The following VPS13B variants were observed in gnomAD, a reference collection of about 807,000 sequenced individuals.
The protein encoded by VPS13B is vacuolar protein sorting 13 homolog B.
VPS13B carries 285 observed loss-of-function variants against 426.4 expected under a neutral mutation model. That is an observed-to-expected ratio of 0.67 (90% CI 0.61 to 0.74). The LOEUF (loss-of-function observed/expected upper bound fraction) is 0.74. Ranked by LOEUF, VPS13B falls within the 30% of genes least tolerant of loss-of-function variation. The probability of loss-of-function intolerance (pLI) is 0.00; values close to 1 mark genes in which losing one functional copy is unlikely to be tolerated. For synonymous variants in VPS13B, 1,676 were observed against 1,676.4 expected, an observed-to-expected ratio of 1.00 and a Z score of 0.01; for missense variants, 4,537 against 4,782.6, an observed-to-expected ratio of 0.95 and a Z score of 1.51.
At chr8:99,240,268 A>G (rs1816852095) in intron 17 of VPS13B, among the ~76,000 whole-genome samples, 1 of 152,200 alleles carries the variant, frequency 6.6e-6, no homozygotes, top group Non-Finnish European at 1.5e-5. Flanking sequence ...ATAAGGCCTC[A>G]TTTAATTTGG....
chr8:99,265,243 T>C (rs547179716), intron 17 of VPS13B, among the ~76,000 whole-genome samples: 4 of 152,338 alleles, frequency 2.6e-5, no homozygotes, highest in African/African-American at 9.6e-5. Context: ...ATCCTTCATA[T>C]TGCAGAATGA....
At chr8:99,789,004 C>T (rs1178208212) in intron 43 of VPS13B, among the ~76,000 whole-genome samples, 1 of 152,148 alleles carries the variant, frequency 6.6e-6, no homozygotes, top group Non-Finnish European at 1.5e-5. Flanking sequence ...TGTAATTAAC[C>T]TGTACTCACC....
chr8:99,444,090 C>T (rs925260885), intron 23 of VPS13B, among the ~76,000 whole-genome samples: 9 of 150,378 alleles, frequency 6.0e-5, no homozygotes, highest in Admixed American at 1.3e-4. Context: ...TGGTTTGTTT[C>T]TTTTTTTTCT....
chr8:99,259,719 G>A (rs1413836732), intron 17 of VPS13B, among the ~76,000 whole-genome samples: 1 of 152,056 alleles, frequency 6.6e-6, no homozygotes, highest in Non-Finnish European at 1.5e-5. Context: ...AAGTTAAAAT[G>A]TGATCCTTAG....
intron 48 of VPS13B, 79 bp downstream of exon 48, chr8:99,819,661 A>T: frequency 6.7e-7 from 1 of 1,484,124 alleles, no homozygotes; most frequent in Admixed American, 1.9e-5. Flanking sequence ...ATTAAATACC[A>T]TAAGTGGTGT....
At chr8:99,228,532 T>G (rs1056222673) in intron 17 of VPS13B, among the ~76,000 whole-genome samples, 1 of 152,196 alleles carries the variant, frequency 6.6e-6, no homozygotes, top group Non-Finnish European at 1.5e-5. Context: ...AATACAGTTA[T>G]TTTATTTTTA....
At chr8:99,668,528 C>T (rs940778858) in intron 35 of VPS13B, among the ~76,000 whole-genome samples, 2 of 152,068 alleles carry the variant, frequency 1.3e-5, no homozygotes, top group African/African-American at 4.8e-5. Context: ...AAATGCTGCT[C>T]TTTAGCATTT....
intron 17 of VPS13B, among the ~76,000 whole-genome samples, chr8:99,236,292 C>T (rs1816645501): frequency 6.6e-6 from 1 of 151,894 alleles, no homozygotes; most frequent in Admixed American, 6.6e-5. Flanking sequence ...CTCTGCTGCC[C>T]GGGCTGGAGT....
At chr8:99,695,149 A>C (rs1291402705) in intron 35 of VPS13B, among the ~76,000 whole-genome samples, 1 of 151,476 alleles carries the variant, frequency 6.6e-6, no homozygotes, top group Non-Finnish European at 1.5e-5. Context: ...GCGATTCCTC[A>C]GGGATCTAAA....
At chr8:99,144,131 C>T (rs1269209433) in intron 13 of VPS13B, among the ~76,000 whole-genome samples, 4 of 152,096 alleles carry the variant, frequency 2.6e-5, no homozygotes, top group Admixed American at 2.6e-4. Flanking sequence ...TAAAAAGCAC[C>T]TAGGTCCTCA....
chr8:99,632,365 A>T (rs1411100087), intron 33 of VPS13B, among the ~76,000 whole-genome samples: 2 of 151,994 alleles, frequency 1.3e-5, no homozygotes, highest in Admixed American at 6.6e-5. Context: ...GTTCCATATG[A>T]CCAAAAATAT....
chr8:99,089,081 G>A (rs994042249), intron 3 of VPS13B, among the ~76,000 whole-genome samples: 3 of 152,130 alleles, frequency 2.0e-5, no homozygotes, highest in Non-Finnish European at 4.4e-5. Flanking sequence ...TTTTCTCATA[G>A]GGAGGCAGTA....
rs566062938 is a variant in VPS13B, at chr8:99,431,223, A to G, written c.3083-314A>G. Among the ~76,000 whole-genome samples the G allele has an allele frequency of 1.2e-4, 18 of 152,310 alleles. No homozygotes were observed. In the South Asian group the frequency reaches 3.1e-3, roughly 26 times the overall value. ...AAGTTGTTAAGTTACTGCTTAATGA[A>G]TTCTTACAAAGTGAATACTTGCATG... On this transcript the variant is annotated intron_variant, in intron 21 of 61. Coordinates refer to ENST00000357162, the MANE Select transcript of VPS13B (RefSeq NM_152564.5).
intron 55 of VPS13B, 42 bp from the exon 56 acceptor site, chr8:99,853,408 AG>A (rs754275800): frequency 6.2e-7 from 1 of 1,600,888 alleles, no homozygotes; most frequent in East Asian, 2.2e-5. Context: ...GAGAAAGAAA[AG>A]GTGAGTGGGG....
intron 34 of VPS13B, among the ~76,000 whole-genome samples, chr8:99,643,467 G>C (rs1285249608): frequency 6.6e-6 from 1 of 152,130 alleles, no homozygotes; most frequent in East Asian, 1.9e-4. Flanking sequence ...GCAGGTGTGG[G>C]AATCAGGATT....
intron 24 of VPS13B, among the ~76,000 whole-genome samples, chr8:99,476,575 A>G (rs935485800): frequency 6.6e-6 from 1 of 152,188 alleles, no homozygotes; most frequent in Non-Finnish European, 1.5e-5. Flanking sequence ...ATATATCACA[A>G]GAAAATACAT....
At chr8:99,466,561 G>A (rs527443977) in intron 23 of VPS13B, among the ~76,000 whole-genome samples, 2 of 152,074 alleles carry the variant, frequency 1.3e-5, no homozygotes, top group South Asian at 4.1e-4. Flanking sequence ...TATCTCAAAT[G>A]TTTATATTAA....
At chr8:99,815,312 C>G in intron 44 of VPS13B, among the ~76,000 whole-genome samples, 1 of 151,372 alleles carries the variant, frequency 6.6e-6, no homozygotes, top group South Asian at 2.1e-4. Flanking sequence ...AGTTCCAGTC[C>G]AAAGTCTGGC....
intron 19 of VPS13B, among the ~76,000 whole-genome samples, chr8:99,321,652 G>A (rs539521988): frequency 6.6e-6 from 1 of 152,138 alleles, no homozygotes; most frequent in African/African-American, 2.4e-5. Context: ...GTACATCAGA[G>A]AAATGATTTA....
Sources: allele counts gnomAD v4.1 joint callset (sites outside exome capture counted in the v4.1 genomes callset), GRCh38; gene constraint gnomAD v4.1.1; transcripts MANE v1.5; gene names NCBI Gene and HGNC (gene_info 2026-07-23, HGNC 2026-07-21).